The following WDR17 variants were observed in gnomAD, a reference collection of about 807,000 sequenced individuals.
WDR17 encodes the protein WD repeat-containing protein 17.
WDR17 carries 143 observed loss-of-function variants against 161.7 expected under a neutral mutation model. That is an observed-to-expected ratio of 0.88 (90% CI 0.77 to 1.02). The LOEUF is 1.02. WDR17 is among the 50% of genes least tolerant of loss of function. WDR17 has a pLI of 0.00. For synonymous variants in WDR17, 517 were observed against 515.6 expected (o/e 1.00, Z -0.04); for missense variants, 1,469 against 1,520.9 (o/e 0.97, Z 0.57).
chr4:176,166,493 T>C (rs1186486167), intron 22 of WDR17, among the ~76,000 whole-genome samples: 5 of 152,162 alleles, frequency 3.3e-5, no homozygotes, highest in African/African-American at 1.2e-4. Context: ...CATTTTTATA[T>C]GTACATTTTT....
At position 176,111,640 on chromosome 4, in the gene WDR17, T is replaced by C. The variant is rs1323856049; in HGVS notation, c.60T>C (p.Asp20=). The change falls in exon 2 of 29, where the codon GAT becomes GAC. Residue 20 remains aspartate (D), a synonymous_variant. Coordinates refer to ENST00000508596, the MANE Select transcript of WDR17 (RefSeq NM_181265.4). ...CTGGATGTCAGCCATGGAACAAGGA[T>C]GTATGTGCTGCCAGTGGAGACAGGT... ...LAAGCQPWNK[D]VCAASGDRFA... The C allele has an allele frequency of 6.2e-7, 1 of 1,611,620 alleles. No homozygotes were observed. Among genetic ancestry groups the C allele is most frequent in the South Asian group, 1.1e-5 (1 of 90,766 alleles).
At chr4:176,125,835 T>C (rs1189625759) in intron 5 of WDR17, among the ~76,000 whole-genome samples, 1 of 152,174 alleles carries the variant, frequency 6.6e-6, no homozygotes, top group Non-Finnish European at 1.5e-5. Context: ...ATAAAAGGTT[T>C]ATAGTTTATA....
At chr4:176,092,358 A>G (rs188366338) in intron 1 of WDR17, among the ~76,000 whole-genome samples, 28 of 133,730 alleles carry the variant, frequency 2.1e-4, no homozygotes, top group African/African-American at 7.0e-4. Context: ...GATCATTTCA[A>G]TTGATGCTGA....
chr4:176,144,674 A>G (rs1030666957), intron 11 of WDR17, among the ~76,000 whole-genome samples: 1 of 152,180 alleles, frequency 6.6e-6, no homozygotes, highest in African/African-American at 2.4e-5. Context: ...AAGCATATCT[A>G]ATAAACTTCA....
At chr4:176,080,381 C>A (rs889773459) in intron 1 of WDR17, among the ~76,000 whole-genome samples, 1 of 150,480 alleles carries the variant, frequency 6.6e-6, no homozygotes, top group Admixed American at 6.6e-5. Flanking sequence ...AATCCAAGGA[C>A]TGATCCCTAG....
intron 2 of WDR17, 105 bp downstream of exon 2, chr4:176,111,808 T>G: frequency 9.5e-7 from 1 of 1,051,606 alleles, no homozygotes; most frequent in Non-Finnish European, 1.2e-6. Flanking sequence ...ATGCTATAAT[T>G]CCATTTATAT....
At chr4:176,090,510 A>G (rs1252734383) in intron 1 of WDR17, among the ~76,000 whole-genome samples, 1 of 152,158 alleles carries the variant, frequency 6.6e-6, no homozygotes, top group African/African-American at 2.4e-5. Context: ...GACAGGTCAC[A>G]TTATTCTAGT....
chr4:176,134,246 T>C (rs1244398045), intron 7 of WDR17, among the ~76,000 whole-genome samples: 1 of 151,780 alleles, frequency 6.6e-6, no homozygotes, highest in Admixed American at 6.6e-5. Flanking sequence ...TTCTCTACCC[T>C]TATTCTATTT....
At chr4:176,095,931 T>A (rs1035709734) in intron 1 of WDR17, among the ~76,000 whole-genome samples, 10 of 152,138 alleles carry the variant, frequency 6.6e-5, no homozygotes, top group Non-Finnish European at 1.2e-4. Flanking sequence ...TGGTTTTGAC[T>A]CTGTTGAACG....
intron 22 of WDR17, chr4:176,165,985 A>G: frequency 2.3e-6 from 1 of 426,912 alleles, no homozygotes. Context: ...GATTTTTTAA[A>G]AGATAGCTAC....
chr4:176,080,490 C>A (rs918649074), intron 1 of WDR17, among the ~76,000 whole-genome samples: 1 of 151,930 alleles, frequency 6.6e-6, no homozygotes, highest in African/African-American at 2.4e-5. Flanking sequence ...GTAGGGGAAT[C>A]AAAAGAAAAC....
In WDR17 at chr4:176,182,345, T is replaced by C. The variant is rs1752238075; in HGVS notation, c.*2766T>C. The C allele has an allele frequency of 6.6e-6, 1 of 151,532 alleles. No homozygotes were observed. Among genetic ancestry groups the C allele is most frequent in the Admixed American group, 6.6e-5 (1 of 15,182 alleles). The allele number at this position is 151,532 out of a possible 1,614,324, so 9.4% of individuals were successfully genotyped here. On this transcript the variant is annotated 3_prime_UTR_variant, in exon 29 of 29. Coordinates refer to ENST00000508596, the MANE Select transcript of WDR17 (RefSeq NM_181265.4). The surrounding 1 kb of genome is among the most constrained non-coding windows in gnomAD (Gnocchi z 4.2). ...TATGTCAATCAAGACAAATGAAATA[T>C]ATATGTATGTGTATATATATACATG...
intron 15 of WDR17, 63 bp from the exon 16 acceptor site, chr4:176,150,405 G>T: frequency 6.5e-7 from 1 of 1,538,226 alleles, no homozygotes; most frequent in South Asian, 1.3e-5. Flanking sequence ...TATTTTTGAA[G>T]ATGCAAAATA....
intron 11 of WDR17, among the ~76,000 whole-genome samples, chr4:176,144,244 G>A (rs560879593): frequency 2.0e-5 from 3 of 152,186 alleles, no homozygotes; most frequent in East Asian, 3.9e-4. Context: ...TATGAAGTAA[G>A]TTTCCCATAT....
At chr4:176,074,568 C>G (rs2126562404) in intron 1 of WDR17, among the ~76,000 whole-genome samples, 1 of 151,984 alleles carries the variant, frequency 6.6e-6, no homozygotes, top group African/African-American at 2.4e-5. Flanking sequence ...GTGGTCCTCA[C>G]ACCTCAGCCT....
chr4:176,118,161 A>G (rs1317839935), intron 3 of WDR17, among the ~76,000 whole-genome samples: 3 of 152,174 alleles, frequency 2.0e-5, no homozygotes, highest in Non-Finnish European at 4.4e-5. Context: ...CTATCTCAGA[A>G]TAGTGTTGGG....
chr4:176,162,832 A>G (rs1449432391), intron 21 of WDR17, among the ~76,000 whole-genome samples: 1 of 152,090 alleles, frequency 6.6e-6, no homozygotes, highest in Non-Finnish European at 1.5e-5. Flanking sequence ...AAAAATTTAC[A>G]TTTTTTTCTG....
intron 17 of WDR17, among the ~76,000 whole-genome samples, chr4:176,152,270 G>A (rs1027545208): frequency 8.0e-6 from 1 of 125,096 alleles, no homozygotes; most frequent in South Asian, 2.7e-4. Flanking sequence ...ACTCCAGCCT[G>A]GGCTACAGAA....
chr4:176,159,985 T>C lies in WDR17; in HGVS notation c.2526-9T>C. The C allele has an allele frequency of 6.3e-7, 1 of 1,582,296 alleles. No individual in the cohort carries two copies. Among genetic ancestry groups the C allele is most frequent in the African/African-American group, 1.3e-5 (1 of 74,462 alleles). ...TATATTGTTTAAAAAACTGTCCTTA[T>C]TTTATTAGGAGAGCTGACCAATTAA... On this transcript the variant is annotated splice_polypyrimidine_tract_variant and intron_variant, in intron 18 of 28. Coordinates refer to ENST00000508596, the MANE Select transcript of WDR17 (RefSeq NM_181265.4).
Sources: gnomAD v4.1 joint callset for allele counts (sites outside exome capture counted in the v4.1 genomes callset) on GRCh38, gnomAD v4.1.1 for gene constraint, Gnocchi (gnomAD v3.1) non-coding constraint, MANE v1.5 for transcripts, NCBI Gene and HGNC (gene_info 2026-07-23, HGNC 2026-07-21) for gene names.